DRC7: variants seen among roughly 807,000 people sequenced by gnomAD.
DRC7 encodes the protein coiled-coil domain containing 135.
In DRC7, 80 loss-of-function variants were observed where a neutral mutation model predicts 104.4. That is an observed-to-expected ratio of 0.77 (90% CI 0.64 to 0.92). DRC7 has a LOEUF of 0.92. Ranked by LOEUF, DRC7 falls within the 40% of genes least tolerant of loss-of-function variation. The pLI is 0.00. For missense variants in DRC7, 1,034 were observed against 1,141.1 expected (o/e 0.91, Z 1.35); for synonymous variants, 405 against 447.3 (o/e 0.91, Z 1.19).
At chr16:57,731,125 T>A in intron 18 of DRC7, 40 bp from the exon 19 acceptor site, 14 of 1,613,732 alleles carry the variant, frequency 8.7e-6, no homozygotes, top group Non-Finnish European at 1.2e-5. Context: ...CCACCAGCTT[T>A]GTAACCCCTC....
At chr16:57,703,544 C>G (rs2048681300) in intron 6 of DRC7, among the ~76,000 whole-genome samples, 2 of 152,110 alleles carry the variant, frequency 1.3e-5, no homozygotes, top group Non-Finnish European at 2.9e-5. Flanking sequence ...CCAGGGACCC[C>G]AGGGTGGGTG....
At chr16:57,730,696 G>GCC (rs36014476) in intron 17 of DRC7, among the ~76,000 whole-genome samples, 6 of 126,014 alleles carry the variant, frequency 4.8e-5, no homozygotes, top group African/African-American at 2.5e-4. Context: ...TCTCAGTCTT[G>GCC]CCCCGTTCTG....
intron 9 of DRC7, among the ~76,000 whole-genome samples, chr16:57,718,965 C>G (rs113124464): frequency 0.043 from 6,509 of 151,798 alleles, 383 homozygotes; most frequent in East Asian, 0.23. Context: ...TTCCAGCCTG[C>G]GCAACCCCAC....
chr16:57,727,463 C>G, intron 16 of DRC7, 54 bp downstream of exon 16: 1 of 1,361,394 alleles, frequency 7.3e-7, no homozygotes, highest in Admixed American at 1.7e-5. Flanking sequence ...CCCCTGGTCT[C>G]CAGGGTGGTG....
chr16:57,698,167 G>T lies in DRC7; in HGVS notation c.203+15G>T. ...GCGGAGCTCCCGTGAGTGTGGCAGGGTGGGGGCCCTGGCAAGGGTAGACCG... is the reference window on the plus strand; with the variant it reads ...GCGGAGCTCCCGTGAGTGTGGCAGGTTGGGGGCCCTGGCAAGGGTAGACCG... On this transcript the variant is annotated intron_variant, in intron 3 of 18. Coordinates refer to ENST00000360716, the MANE Select transcript of DRC7 (RefSeq NM_001289162.2). 1.2e-6 allele frequency: 2 copies of T among 1,613,812 alleles called. No individual in the cohort carries two copies. The highest frequency in any genetic ancestry group is 1.7e-6 in the Non-Finnish European group (2 of 1,179,954).
At chr16:57,699,224 G>A (rs1309022078) in intron 4 of DRC7, among the ~76,000 whole-genome samples, 200 bp downstream of exon 4, 5 of 152,342 alleles carry the variant, frequency 3.3e-5, no homozygotes, top group African/African-American at 4.8e-5. Flanking sequence ...CCTGGAGGGC[G>A]GTGGTGGTCT....
intron 7 of DRC7, 149 bp from the exon 8 acceptor site, chr16:57,707,311 G>A: frequency 1.5e-6 from 1 of 650,508 alleles, no homozygotes; most frequent in Non-Finnish European, 2.6e-6. Flanking sequence ...GTGATGGGAG[G>A]GGAGATGGGC....
At chr16:57,718,200 C>T in intron 8 of DRC7, 147 bp from the exon 9 acceptor site, 1 of 982,392 alleles carries the variant, frequency 1.0e-6, no homozygotes, top group Non-Finnish European at 1.5e-6. Context: ...ACTCTCAGAG[C>T]CACCTGGGAC....
Position 57,702,093 on chromosome 16 carries a change from C to G in DRC7, c.662C>G (p.Thr221Arg). The change falls in exon 6 of 19, where the codon ACG becomes AGG. Residue 221 changes from threonine to arginine, a missense_variant. Physicochemically the swap from Thr to Arg is moderately conservative, Grantham distance 71. Transcript: ENST00000360716. ...CTGGACCTGTGCCACATGGACCTGA[C>G]GCGGGAGGTGTGCCCACTCACTGTG... ...GSLDLCHMDL[T>R]REVCPLTVKP... 1.2e-6 allele frequency: 2 copies of G among 1,614,122 alleles called. No homozygotes were observed. The highest frequency in any genetic ancestry group is 1.7e-6 in the Non-Finnish European group (2 of 1,180,018).
intron 6 of DRC7, among the ~76,000 whole-genome samples, chr16:57,703,498 G>A (rs2048680825): frequency 6.6e-6 from 1 of 152,182 alleles, no homozygotes; most frequent in Non-Finnish European, 1.5e-5. Flanking sequence ...CATCCAGCAG[G>A]ATCACTGTGT....
chr16:57,697,510 G>A (rs1374839860), intron 2 of DRC7, among the ~76,000 whole-genome samples: 2 of 151,974 alleles, frequency 1.3e-5, no homozygotes, highest in African/African-American at 4.8e-5. Context: ...TGAAGCTGCG[G>A]TGAGCCATGA....
chr16:57,728,278 C>A, intron 16 of DRC7, 112 bp from the exon 17 acceptor site: 1 of 1,049,296 alleles, frequency 9.5e-7, no homozygotes, highest in Non-Finnish European at 1.3e-6. Context: ...GCGCCATGCA[C>A]TGGAACCTGG....
At chr16:57,714,870 A>G in intron 8 of DRC7, 1 of 332,940 alleles carries the variant, frequency 3.0e-6, no homozygotes, top group South Asian at 2.6e-5. Context: ...TGCTACAAAA[A>G]GAGGGAAATA....
Position 57,722,995 on chromosome 16 carries a change from C to A in DRC7, c.1409-7C>A, listed in dbSNP as rs113469607. ...CTGGCTGCGGCAAGTGTCCATCGGC[C>A]CCACAGGTACCAATATTTTGGAGAT... On this transcript the variant is annotated splice_region_variant and splice_polypyrimidine_tract_variant and intron_variant, in intron 11 of 18. Transcript: ENST00000360716. The A allele has an allele frequency of 7.4e-3, 11,864 of 1,613,612 alleles. 409 individuals carry two copies. The African/African-American group carries it at 0.091, about 12-fold the overall frequency.
At position 57,724,796 on chromosome 16, in the gene DRC7, C is replaced by T; in HGVS notation, c.1719C>T (p.Leu573=). ...HASFGPRVKK[L]TLSSAESNPR... The stretch of plus-strand genomic sequence containing the variant: ...GCTTCGGACCCCGAGTCAAGAAGCT[C>T]ACTCTGAGCAGTGCAGAGTCAAACC... Residue 573 remains leucine (L), a synonymous_variant, in exon 13 of 19, where the codon CTC becomes CTT. Transcript: ENST00000360716. 1 of 1,613,732 alleles carries T rather than the reference C, an allele frequency of 6.2e-7. No homozygotes were observed. Among genetic ancestry groups the T allele is most frequent in the Admixed American group, 1.7e-5 (1 of 60,016 alleles).
intron 3 of DRC7, 40 bp downstream of exon 3, chr16:57,698,192 G>A (rs372409296): frequency 1.9e-4 from 313 of 1,612,298 alleles, no homozygotes; most frequent in Middle Eastern, 5.1e-4. Flanking sequence ...AGGGTAGACC[G>A]GGGCTGGGCA....
At position 57,706,564 on chromosome 16, in the gene DRC7, A is replaced by G. The variant is rs376648807; in HGVS notation, c.859-896A>G. 1.8e-3 allele frequency among the ~76,000 whole-genome samples: 108 copies of G among 61,546 alleles called. 1 individual carries two copies. In the South Asian group the frequency reaches 0.03, roughly 17 times the overall value. 40.4% of individuals were successfully genotyped at this position (61,546 alleles called of 152,430 possible). ...CACCCATCCTCCCATCCTCCCATCC[A>G]TCCATCCTCCCATCCACCCATCCTC... On this transcript the variant is annotated intron_variant, in intron 7 of 18. Transcript: ENST00000360716.
intron 6 of DRC7, among the ~76,000 whole-genome samples, chr16:57,702,559 G>A (rs2148734215): frequency 6.6e-6 from 1 of 152,316 alleles, no homozygotes; most frequent in East Asian, 1.9e-4. Context: ...AGCACTTTGG[G>A]AGTCCAAGGC....
At chr16:57,727,006 C>A in intron 15 of DRC7, 64 bp downstream of exon 15, 1 of 1,046,412 alleles carries the variant, frequency 9.6e-7, no homozygotes, top group Non-Finnish European at 1.5e-6. Flanking sequence ...GGGTCTCGCT[C>A]TATAACCCAG....
Sources: allele counts gnomAD v4.1 joint callset (sites outside exome capture counted in the v4.1 genomes callset), GRCh38; gene constraint gnomAD v4.1.1; transcripts MANE v1.5; gene names NCBI Gene and HGNC (gene_info 2026-07-23, HGNC 2026-07-21).